KCNB2: variants seen among roughly 807,000 people sequenced by gnomAD.
KCNB2 encodes delayed rectifier potassium channel protein.
In KCNB2, 15 loss-of-function variants were observed where a neutral mutation model predicts 61.5. The observed-to-expected ratio is 0.24, with a 90% CI of 0.16 to 0.38. KCNB2 has a LOEUF of 0.38. Among genes scored for constraint, KCNB2 ranks in the 10% least tolerant of loss-of-function variants. KCNB2 has a pLI of 1.00. For synonymous variants in KCNB2, 457 were observed against 446.0 expected (o/e 1.02, Z -0.31); for missense variants, 828 against 1,125.2 (o/e 0.74, Z 3.78).
At chr8:72,658,929 T>G (rs942052299) in intron 2 of KCNB2, among the ~76,000 whole-genome samples, 1 of 152,186 alleles carries the variant, frequency 6.6e-6, no homozygotes, top group African/African-American at 2.4e-5. Flanking sequence ...TCACTGACAA[T>G]GCACTTGGTC....
chr8:72,937,223 C>T lies in KCNB2; in HGVS notation c.1868C>T (p.Pro623Leu), dbSNP rs370327292. 3 of 1,614,028 alleles carry T rather than the reference C, an allele frequency of 1.9e-6. No individual in the cohort carries two copies. The highest frequency in any genetic ancestry group is 2.5e-6 in the Non-Finnish European group (3 of 1,180,008). ...FTETERSPLPPPSASHLQMKF... is the reference protein window; with the variant it reads ...FTETERSPLPLPSASHLQMKF... ...GAGACAGAGAGATCGCCGCTGCCGC[C>T]GCCCTCCGCCTCTCACTTGCAGATG... Residue 623 changes from proline (P) to leucine (L), a missense_variant, in exon 3 of 3, where the codon CCG (proline) becomes CTG (leucine). Around this residue, in one of 4 missense-constraint regions of KCNB2, gnomAD observed 559 missense variants for 588.4 expected, o/e 0.95. Coordinates refer to ENST00000523207, the MANE Select transcript of KCNB2 (RefSeq NM_004770.3).
At chr8:72,714,320 A>G (rs1807383308) in intron 2 of KCNB2, among the ~76,000 whole-genome samples, 1 of 152,108 alleles carries the variant, frequency 6.6e-6, no homozygotes, top group African/African-American at 2.4e-5. Context: ...TGCCACAAAG[A>G]TACTCCTCGA....
chr8:72,687,939 G>T (rs1223806737), intron 2 of KCNB2, among the ~76,000 whole-genome samples: 1 of 152,176 alleles, frequency 6.6e-6, no homozygotes, highest in African/African-American at 2.4e-5. Flanking sequence ...AGCTGGAGAA[G>T]TTTGGGCTAT....
chr8:72,762,628 A>T (rs1808399355), intron 2 of KCNB2, among the ~76,000 whole-genome samples: 1 of 152,088 alleles, frequency 6.6e-6, no homozygotes, highest in Non-Finnish European at 1.5e-5. Flanking sequence ...TAAAGTGAGG[A>T]TATACATTAT....
At chr8:72,747,523 G>A (rs1808097526) in intron 2 of KCNB2, among the ~76,000 whole-genome samples, 1 of 152,302 alleles carries the variant, frequency 6.6e-6, no homozygotes, top group South Asian at 2.1e-4. Context: ...AAATCTCAAA[G>A]TGTTACCAGA....
At chr8:72,707,883 C>T (rs1807255617) in intron 2 of KCNB2, among the ~76,000 whole-genome samples, 1 of 151,780 alleles carries the variant, frequency 6.6e-6, no homozygotes, top group African/African-American at 2.4e-5. Context: ...GAGGGCAGTG[C>T]AAAAAAAGGG....
At chr8:72,606,640 G>A (rs938446926) in intron 2 of KCNB2, among the ~76,000 whole-genome samples, 1 of 152,156 alleles carries the variant, frequency 6.6e-6, no homozygotes, top group Non-Finnish European at 1.5e-5. Context: ...TTCACTGGTC[G>A]TTTGGGCCAG....
At chr8:72,786,270 G>T (rs575989700) in intron 2 of KCNB2, among the ~76,000 whole-genome samples, 1 of 151,992 alleles carries the variant, frequency 6.6e-6, no homozygotes, top group African/African-American at 2.4e-5. Flanking sequence ...ATGAATACCC[G>T]TAATCCTTTA....
At chr8:72,844,766 G>T (rs548198501) in intron 2 of KCNB2, among the ~76,000 whole-genome samples, 28 of 152,262 alleles carry the variant, frequency 1.8e-4, no homozygotes, top group African/African-American at 6.7e-4. Context: ...TGAAGTTCTT[G>T]TGCTGTGTTT....
intron 1 of KCNB2, among the ~76,000 whole-genome samples, chr8:72,554,766 G>A (rs1228798492): frequency 6.6e-6 from 1 of 151,982 alleles, no homozygotes; most frequent in Non-Finnish European, 1.5e-5. Flanking sequence ...AAGACTATTA[G>A]CATTACTTCT....
chr8:72,681,309 CT>C (rs973964745), intron 2 of KCNB2, among the ~76,000 whole-genome samples: 3 of 152,070 alleles, frequency 2.0e-5, no homozygotes, highest in Admixed American at 6.5e-5. Context: ...AAAAAGACAG[CT>C]TTTTTTCTCT....
In KCNB2 at chr8:72,839,769, C is replaced by T. The variant is rs1387084200; in HGVS notation, c.580-96166C>T. 3.3e-5 allele frequency among the ~76,000 whole-genome samples: 5 copies of T among 151,926 alleles called. No individual in the cohort carries two copies. In the East Asian group the frequency reaches 9.7e-4, roughly 30 times the overall value. On this transcript the variant is annotated intron_variant, in intron 2 of 2. Coordinates refer to ENST00000523207, the MANE Select transcript of KCNB2 (RefSeq NM_004770.3). ...CTGGGACTACAGGCGCCCGCCACCA[C>T]GCCCGGCTAATTTTTTCTATTTTTT...
intron 2 of KCNB2, among the ~76,000 whole-genome samples, chr8:72,845,088 G>A (rs1809963630): frequency 6.6e-6 from 1 of 152,150 alleles, no homozygotes; most frequent in Non-Finnish European, 1.5e-5. Context: ...ATCTACCTTA[G>A]GTCTTTGATG....
intron 2 of KCNB2, among the ~76,000 whole-genome samples, chr8:72,755,018 C>T (rs907547075): frequency 6.6e-6 from 1 of 152,170 alleles, no homozygotes; most frequent in African/African-American, 2.4e-5. Flanking sequence ...GTAGAAGATA[C>T]TCTTGGTAAG....
chr8:72,609,996 A>G (rs1416173121), intron 2 of KCNB2, among the ~76,000 whole-genome samples: 1 of 152,184 alleles, frequency 6.6e-6, no homozygotes, highest in Non-Finnish European at 1.5e-5. Flanking sequence ...TATGTAAAAG[A>G]TCCTGAAAAC....
intron 2 of KCNB2, among the ~76,000 whole-genome samples, chr8:72,752,559 C>G (rs1808209884): frequency 6.6e-6 from 1 of 152,180 alleles, no homozygotes; most frequent in Non-Finnish European, 1.5e-5. Context: ...ATTGGCTCCT[C>G]TAGTTCTCAG....
chr8:72,653,381 G>A (rs1806241678), intron 2 of KCNB2, among the ~76,000 whole-genome samples: 1 of 152,062 alleles, frequency 6.6e-6, no homozygotes, highest in South Asian at 2.1e-4. Flanking sequence ...CCTCAGAGAG[G>A]CTTTTCCTGA....
chr8:72,689,428 C>A (rs1052863540), intron 2 of KCNB2, among the ~76,000 whole-genome samples: 1 of 152,158 alleles, frequency 6.6e-6, no homozygotes, highest in African/African-American at 2.4e-5. Flanking sequence ...ATAAAATTCA[C>A]CCATTATAAA....
intron 2 of KCNB2, among the ~76,000 whole-genome samples, chr8:72,665,146 C>T (rs1806446231): frequency 6.6e-6 from 1 of 152,138 alleles, no homozygotes; most frequent in African/African-American, 2.4e-5. Context: ...CTTGCTTTTG[C>T]ATATGACCGC....
Sources: allele counts gnomAD v4.1 joint callset (sites outside exome capture counted in the v4.1 genomes callset), GRCh38; gene constraint gnomAD v4.1.1; regional missense constraint gnomAD v4.1.1; transcripts MANE v1.5; gene names NCBI Gene and HGNC (gene_info 2026-07-23, HGNC 2026-07-21).